NAA25: variants seen among roughly 807,000 people sequenced by gnomAD.
NAA25 encodes N-terminal acetyltransferase B complex subunit NAA25.
Under a neutral mutation model 132.5 loss-of-function variants are expected in NAA25, and 30 were observed. The ratio of observed to expected loss-of-function variants is 0.23; its 90% CI spans 0.17 to 0.31. The LOEUF (loss-of-function observed/expected upper bound fraction) is 0.31, where lower values mean the gene tolerates loss of function less well. Ranked by LOEUF, NAA25 falls within the 10% of genes least tolerant of loss-of-function variation. The pLI, the probability that NAA25 is intolerant of heterozygous loss-of-function variation, is 1.00. For missense variants in NAA25, 771 were observed against 1,150.4 expected (o/e 0.67, Z 4.77); for synonymous variants, 359 against 401.9 (o/e 0.89, Z 1.28).
chr12:112,087,641 A>G, intron 4 of NAA25, 42 bp downstream of exon 4: 2 of 1,367,558 alleles, frequency 1.5e-6, no homozygotes, highest in Non-Finnish European at 2.1e-6. Context: ...TTTGCCTCTA[A>G]TAGTAAATCC....
At chr12:112,071,119 G>A (rs917356127) in intron 10 of NAA25, among the ~76,000 whole-genome samples, 6 of 151,578 alleles carry the variant, frequency 4.0e-5, no homozygotes, top group African/African-American at 1.5e-4. Flanking sequence ...CCTGACCTCA[G>A]GTGATCCGCC....
At position 112,087,902 on chromosome 12, in the gene NAA25, T is replaced by C. The variant is rs2079077435; in HGVS notation, c.284-101A>G. The C allele has an allele frequency of 7.9e-5, 58 of 732,680 alleles. No individual in the cohort carries two copies. The South Asian group carries it at 8.2e-4, about 10-fold the overall frequency. 45.4% of individuals were successfully genotyped at this position (732,680 alleles called of 1,614,324 possible). ...CAGAAATAGATGTCTCCTATCATTA[T>C]AGAAGAAGTATCTGCTTTGCCTCAT... On this transcript the variant is annotated intron_variant, in intron 3 of 23. Coordinates refer to ENST00000261745, the MANE Select transcript of NAA25 (RefSeq NM_024953.4).
At chr12:112,077,662 G>C (rs1020421620) in intron 7 of NAA25, among the ~76,000 whole-genome samples, 4 of 151,928 alleles carry the variant, frequency 2.6e-5, no homozygotes, top group Non-Finnish European at 4.4e-5. Flanking sequence ...ATGGGTATAA[G>C]AGTATGCACA....
chr12:112,086,051 A>AATATAT (rs1555238696), intron 4 of NAA25, among the ~76,000 whole-genome samples: 3,019 of 37,244 alleles, frequency 0.081, 174 homozygotes, highest in Admixed American at 0.091. Flanking sequence ...AAAAAAAAAA[A>AATATAT]ATATATATAT....
chr12:112,081,027 A>G, intron 5 of NAA25, 33 bp downstream of exon 5: 1 of 1,554,326 alleles, frequency 6.4e-7, no homozygotes, highest in African/African-American at 1.4e-5. Context: ...AAATAAAACC[A>G]AACCTCAATC....
At chr12:112,090,885 A>T in intron 2 of NAA25, 21 bp from the exon 3 acceptor site, 1 of 1,582,804 alleles carries the variant, frequency 6.3e-7, no homozygotes, top group East Asian at 2.2e-5. Flanking sequence ...CAAAAGAAAA[A>T]TCAGTTTTTA....
At position 112,060,056 on chromosome 12, in the gene NAA25, G is replaced by A. The variant is rs989217449; in HGVS notation, c.1447+214C>T. The stretch of plus-strand genomic sequence containing the variant: ...ACTCCTGACCTCAGGTGATCCACCC[G>A]CCTCAGCCTCCCAAAGTGCTAGGAT... On this transcript the variant is annotated intron_variant, in intron 13 of 23. Coordinates refer to ENST00000261745, the MANE Select transcript of NAA25 (RefSeq NM_024953.4). Among the ~76,000 whole-genome samples, 6 of 152,022 alleles carry A rather than the reference G, an allele frequency of 3.9e-5. 1 individual carries two copies. Among genetic ancestry groups the A allele is most frequent in the Admixed American group, 3.3e-4 (5 of 15,252 alleles).
intron 10 of NAA25, among the ~76,000 whole-genome samples, chr12:112,070,312 C>T (rs1454774071): frequency 6.6e-6 from 1 of 152,156 alleles, no homozygotes. Flanking sequence ...CTAAGGGCTT[C>T]ATCAAATTTC....
chr12:112,089,969 T>A (rs997251044), intron 3 of NAA25, among the ~76,000 whole-genome samples: 25 of 150,922 alleles, frequency 1.7e-4, no homozygotes, highest in Admixed American at 1.6e-3. Flanking sequence ...GTAGCTGGGA[T>A]TACAGGCGTG....
At chr12:112,042,983 C>G (rs1350828913) in intron 19 of NAA25, 105 bp downstream of exon 19, 1 of 1,117,996 alleles carries the variant, frequency 8.9e-7, no homozygotes, top group Non-Finnish European at 1.2e-6. Context: ...CAGCTTCCAG[C>G]TTCCATGTAC....
At chr12:112,092,518 G>A (rs184612557) in intron 2 of NAA25, among the ~76,000 whole-genome samples, 2 of 151,792 alleles carry the variant, frequency 1.3e-5, no homozygotes, top group East Asian at 2.0e-4. Flanking sequence ...TCTCAACTAC[G>A]CAGGAGGCTA....
In NAA25 at chr12:112,068,949, G is replaced by A. The variant is rs759157668; in HGVS notation, c.1080C>T (p.Gly360=). 17 of 1,613,072 alleles carry A rather than the reference G, an allele frequency of 1.1e-5. No individual in the cohort carries two copies. The highest frequency in any genetic ancestry group is 1.6e-4 in the Middle Eastern group (1 of 6,080). ...GGTCTGTAAAACAACAAGGTTTATC[G>A]CCAAACTTTTTAAAATACTGGAACA... ...ELMFQYFKKF[G]DKPCCFTDLK... The change falls in exon 11 of 24, where the codon GGC becomes GGT. Residue 360 remains glycine (G), a synonymous_variant. Transcript: ENST00000261745.
intron 23 of NAA25, among the ~76,000 whole-genome samples, chr12:112,031,006 T>C (rs1226894319): frequency 6.6e-6 from 1 of 152,088 alleles, no homozygotes; most frequent in African/African-American, 2.4e-5. Flanking sequence ...CTTGAACTCC[T>C]GAGCTCAAAT....
At chr12:112,106,884 C>T (rs906068274) in intron 1 of NAA25, among the ~76,000 whole-genome samples, 4 of 133,726 alleles carry the variant, frequency 3.0e-5, no homozygotes, top group East Asian at 2.4e-4. Context: ...ACCCAGGAGG[C>T]GGAGGCTGGT....
At position 112,039,684 on chromosome 12, in the gene NAA25, T is replaced by C. The variant is rs76761966; in HGVS notation, c.2539-345A>G. 700 of 178,332 alleles carry C rather than the reference T, an allele frequency of 3.9e-3. 5 individuals carry two copies. Among genetic ancestry groups the C allele is most frequent in the African/African-American group, 0.016 (664 of 42,212 alleles). 11.0% of individuals were successfully genotyped at this position (178,332 alleles called of 1,614,324 possible). ...AGAGAAGAGTCCAAATTCCTAGGCA[T>C]GGAATCCAAAGGTTCTTTACAATAT... On this transcript the variant is annotated intron_variant, in intron 21 of 23. Coordinates refer to ENST00000261745, the MANE Select transcript of NAA25 (RefSeq NM_024953.4).
chr12:112,030,966 G>A (rs1054681091), intron 23 of NAA25, among the ~76,000 whole-genome samples: 1 of 150,496 alleles, frequency 6.6e-6, no homozygotes, highest in Non-Finnish European at 1.5e-5. Context: ...TTTTAAAAGA[G>A]GCAGGACTCA....
In NAA25 at chr12:112,078,206, T is replaced by C. The variant is rs1324887856; in HGVS notation, c.646A>G (p.Ile216Val). 6.2e-7 allele frequency: 1 copy of C among 1,603,420 alleles called. No individual in the cohort carries two copies. Among genetic ancestry groups the C allele is most frequent in the African/African-American group, 1.3e-5 (1 of 74,342 alleles). Residue 216 changes from isoleucine to valine, a missense_variant, in exon 7 of 24, where the codon ATC (isoleucine) becomes GTC (valine). This residue lies in a region of NAA25 where 417 missense variants were observed against 733.8 expected (regional missense o/e 0.57). Coordinates refer to ENST00000261745, the MANE Select transcript of NAA25 (RefSeq NM_024953.4). Reference sequence around the variant, plus strand: ...AAATTACCTCCTAATTTCCCTCTGATGACATCCAAGGCCTCCTGGTACTTT... The same window carrying C: ...AAATTACCTCCTAATTTCCCTCTGACGACATCCAAGGCCTCCTGGTACTTT... ...LGKYQEALDV[I>V]RGKLGEKLTS...
Sources: gnomAD v4.1 joint callset for allele counts (sites outside exome capture counted in the v4.1 genomes callset) on GRCh38, gnomAD v4.1.1 for gene constraint, gnomAD v4.1.1 regional missense constraint, MANE v1.5 for transcripts, NCBI Gene and HGNC (gene_info 2026-07-23, HGNC 2026-07-21) for gene names.